THSD4: variants seen among roughly 807,000 people sequenced by gnomAD.
THSD4 encodes thrombospondin type-1 domain-containing protein 4.
THSD4 carries 69 observed loss-of-function variants against 119.0 expected under a neutral mutation model. That is an observed-to-expected ratio of 0.58 (90% CI 0.48 to 0.71). THSD4 has a LOEUF of 0.71. THSD4 is among the 30% of genes least tolerant of loss of function. The pLI, the probability that THSD4 is intolerant of heterozygous loss-of-function variation, is 0.00. For synonymous variants in THSD4, 524 were observed against 540.4 expected, an observed-to-expected ratio of 0.97 and a Z score of 0.42; for missense variants, 1,393 against 1,391.1, an observed-to-expected ratio of 1.00 and a Z score of -0.02.
At chr15:71,660,493 A>G (rs2051279805) in intron 7 of THSD4, 37 bp from the exon 8 acceptor site, 1 of 1,612,448 alleles carries the variant, frequency 6.2e-7, no homozygotes, top group Non-Finnish European at 8.5e-7. Flanking sequence ...TGCTCCTGAT[A>G]CATACTATGA....
chr15:71,596,230 G>T (rs1462383125), intron 7 of THSD4, among the ~76,000 whole-genome samples: 1 of 152,216 alleles, frequency 6.6e-6, no homozygotes, highest in African/African-American at 2.4e-5. Flanking sequence ...GGTTTGAGGG[G>T]AGAGTGGCCT....
At chr15:71,366,973 G>A (rs1375045674) in intron 6 of THSD4, among the ~76,000 whole-genome samples, 1 of 152,216 alleles carries the variant, frequency 6.6e-6, no homozygotes, top group Non-Finnish European at 1.5e-5. Context: ...TCTCCAAAGA[G>A]CTCCTCTTTC....
chr15:71,590,962 C>T lies in THSD4; in HGVS notation c.1153-69568C>T, dbSNP rs370631701. 3.7e-5 allele frequency among the ~76,000 whole-genome samples: 5 copies of T among 135,176 alleles called. No homozygotes were observed. The South Asian group carries it at 7.1e-4, about 19-fold the overall frequency. The allele number at this position is 135,176 out of a possible 152,430, so 88.7% of individuals were successfully genotyped here. ...CAGAGCTTGCAGTGAGCCAAGATCA[C>T]GCCACTGCATTCCAGCCTGGGCGAC... On this transcript the variant is annotated intron_variant, in intron 7 of 17. Coordinates refer to ENST00000261862, the MANE Select transcript of THSD4 (RefSeq NM_024817.3).
chr15:71,464,687 A>T (rs942538210), intron 7 of THSD4, among the ~76,000 whole-genome samples: 1 of 152,174 alleles, frequency 6.6e-6, no homozygotes, highest in Admixed American at 6.5e-5. Flanking sequence ...TCCCTTCTAA[A>T]GTTTAAGTAC....
At chr15:71,356,969 G>A (rs145246739) in intron 6 of THSD4, among the ~76,000 whole-genome samples, 150 of 152,286 alleles carry the variant, frequency 9.8e-4, no homozygotes, top group African/African-American at 3.2e-3. Flanking sequence ...CCATGGCTGC[G>A]CACATCAAAC....
chr15:71,580,777 A>G (rs1198376991), intron 7 of THSD4, among the ~76,000 whole-genome samples: 1 of 152,174 alleles, frequency 6.6e-6, no homozygotes, highest in Non-Finnish European at 1.5e-5. Context: ...TTCACTTAGC[A>G]TAATGTACTC....
At chr15:71,695,502 ATG>A (rs3086738) in intron 8 of THSD4, among the ~76,000 whole-genome samples, 3,806 of 143,388 alleles carry the variant, frequency 0.027, 104 homozygotes, top group African/African-American at 0.073. Context: ...GTGTGTGTGC[ATG>A]TGTGTGTGTG....
intron 7 of THSD4, among the ~76,000 whole-genome samples, chr15:71,529,659 C>G (rs1031500578): frequency 2.0e-5 from 3 of 152,022 alleles, no homozygotes; most frequent in South Asian, 2.1e-4. Context: ...AATTTTTTTT[C>G]TAAATAGTCA....
intron 1 of THSD4, among the ~76,000 whole-genome samples, chr15:71,123,336 A>G (rs1040829656): frequency 2.0e-5 from 3 of 152,144 alleles, no homozygotes; most frequent in African/African-American, 7.2e-5. Context: ...TGAATTCCAG[A>G]CCTGACTCTG....
At chr15:71,631,317 A>T (rs901563548) in intron 7 of THSD4, among the ~76,000 whole-genome samples, 3 of 152,180 alleles carry the variant, frequency 2.0e-5, no homozygotes, top group Admixed American at 2.0e-4. Context: ...GAGAGCTTTG[A>T]AAGGAGGGAG....
Position 71,467,830 on chromosome 15 carries a change from T to C in THSD4, c.1152+56007T>C, listed in dbSNP as rs568473883. 4.1e-5 allele frequency among the ~76,000 whole-genome samples: 6 copies of C among 146,050 alleles called. No individual in the cohort carries two copies. In the East Asian group the frequency reaches 1.2e-3, roughly 30 times the overall value. ...CTGTTCCCATGATATTGAATAAGTC[T>C]CAGGAGATATGATGGTTTTTTTTTT... On this transcript the variant is annotated intron_variant, in intron 7 of 17. Coordinates refer to ENST00000261862, the MANE Select transcript of THSD4 (RefSeq NM_024817.3).
At chr15:71,144,908 T>A (rs143412040) in intron 2 of THSD4, among the ~76,000 whole-genome samples, 32 of 152,288 alleles carry the variant, frequency 2.1e-4, no homozygotes, top group African/African-American at 7.5e-4. Flanking sequence ...AGGCTAATCC[T>A]TAATGAGGAA....
intron 1 of THSD4, among the ~76,000 whole-genome samples, chr15:71,108,817 C>T (rs926021736): frequency 6.6e-6 from 1 of 152,060 alleles, no homozygotes; most frequent in African/African-American, 2.4e-5. Context: ...TGGTGAAACC[C>T]CATCTCTACT....
At chr15:71,711,467 T>C (rs564218572) in intron 8 of THSD4, among the ~76,000 whole-genome samples, 14 of 151,710 alleles carry the variant, frequency 9.2e-5, no homozygotes, top group African/African-American at 3.1e-4. Context: ...AACATGCAAA[T>C]AGATAAATTA....
At chr15:71,529,609 T>C (rs72735361) in intron 7 of THSD4, among the ~76,000 whole-genome samples, 17,875 of 152,234 alleles carry the variant, frequency 0.12, 1,368 homozygotes, top group Middle Eastern at 0.2. Flanking sequence ...GGTGCTAGGT[T>C]GAGAAGGGGA....
chr15:71,395,949 A>ACC (rs1287461698), intron 6 of THSD4, among the ~76,000 whole-genome samples: 2 of 149,866 alleles, frequency 1.3e-5, no homozygotes, highest in African/African-American at 4.9e-5. Flanking sequence ...ACACACACAC[A>ACC]CACAAACACA....
chr15:71,727,587 T>TACACACACACACACACAC (rs367823728), intron 8 of THSD4, among the ~76,000 whole-genome samples: 1 of 9,284 alleles, frequency 1.1e-4, no homozygotes, highest in African/African-American at 2.5e-4. Context: ...TATATATATA[T>TACACACACACACACACAC]ACACACACAC....
At chr15:71,165,404 C>T in intron 3 of THSD4, 2 of 1,489,768 alleles carry the variant, frequency 1.3e-6, no homozygotes, top group Non-Finnish European at 1.9e-6. Flanking sequence ...TTCTTAGGAT[C>T]TCCTTTGCCC....
At chr15:71,643,312 T>G (rs879488792) in intron 7 of THSD4, among the ~76,000 whole-genome samples, 6 of 152,206 alleles carry the variant, frequency 3.9e-5, no homozygotes, top group Non-Finnish European at 5.9e-5. Flanking sequence ...AATTTCTTTT[T>G]TGAGACAATT....
Sources: gnomAD v4.1 joint callset for allele counts (sites outside exome capture counted in the v4.1 genomes callset) on GRCh38, gnomAD v4.1.1 for gene constraint, MANE v1.5 for transcripts, NCBI Gene and HGNC (gene_info 2026-07-23, HGNC 2026-07-21) for gene names.